PARD3: variants seen among roughly 807,000 people sequenced by gnomAD.
PARD3 encodes partitioning defective 3 homolog.
A neutral mutation model predicts 155.4 loss-of-function variants in PARD3; 75 were observed. The observed-to-expected ratio is 0.48, with a 90% CI of 0.40 to 0.58. The LOEUF is 0.58. PARD3 is among the 20% of genes least tolerant of loss of function. PARD3 has a pLI of 0.00. For synonymous variants in PARD3, 576 were observed against 610.5 expected, an observed-to-expected ratio of 0.94 and a Z score of 0.83; for missense variants, 1,642 against 1,721.7, an observed-to-expected ratio of 0.95 and a Z score of 0.82.
At chr10:34,724,303 G>A (rs963797883) in intron 1 of PARD3, among the ~76,000 whole-genome samples, 1 of 151,984 alleles carries the variant, frequency 6.6e-6, no homozygotes, top group Non-Finnish European at 1.5e-5. Context: ...AAATAGCCTT[G>A]CAAGTCATGC....
chr10:34,708,222 G>T (rs1378634231), intron 1 of PARD3, among the ~76,000 whole-genome samples: 16 of 145,712 alleles, frequency 1.1e-4, no homozygotes, highest in African/African-American at 4.0e-4. Context: ...GTTTTTCTTT[G>T]TTTTTTGTCT....
chr10:34,204,124 A>G (rs1951350194), intron 22 of PARD3, among the ~76,000 whole-genome samples: 1 of 152,200 alleles, frequency 6.6e-6, no homozygotes, highest in South Asian at 2.1e-4. Context: ...GTACATCAAC[A>G]TTTACTGATA....
chr10:34,384,162 T>C lies in PARD3; in HGVS notation c.983A>G (p.Asn328Ser). ...TCTTCTATTTCGAAGGTCGCCATCA[T>C]TAATCCTGACAATGCAATCATTCTC... ...FRENDCIVRI[N>S]DGDLRNRRFE... Residue 328 changes from asparagine (N) to serine (S), a missense_variant, in exon 8 of 25, where the codon AAT (asparagine) becomes AGT (serine). Around this residue, in one of 3 missense-constraint regions of PARD3, gnomAD observed 1,529 missense variants for 1,587.3 expected, o/e 0.96. Coordinates refer to ENST00000374788, the MANE Select transcript of PARD3 (RefSeq NM_001184785.2). The C allele has an allele frequency of 6.2e-7, 1 of 1,613,908 alleles. No homozygotes were observed. Among genetic ancestry groups the C allele is most frequent in the Non-Finnish European group, 8.5e-7 (1 of 1,179,932 alleles).
chr10:34,507,540 T>TAAAAAAAAAAAAAA (rs1554880641), intron 3 of PARD3, among the ~76,000 whole-genome samples: 1 of 43,304 alleles, frequency 2.3e-5, no homozygotes, highest in African/African-American at 2.1e-4. Flanking sequence ...TCAGATCAAT[T>TAAAAAAAAAAAAAA]AAAAAAACAA....
intron 2 of PARD3, among the ~76,000 whole-genome samples, chr10:34,538,052 T>G (rs1474596548): frequency 6.6e-6 from 1 of 152,158 alleles, no homozygotes; most frequent in African/African-American, 2.4e-5. Flanking sequence ...GTGTAATAAA[T>G]GAACAAAACA....
rs1322965797 is a variant in PARD3, at chr10:34,268,240, C to T, written c.3419+1417G>A. ...AAAACCATAATGAGATACCATCTCA[C>T]ACCAGTTAGAATGGTGATCATTAAA... On this transcript the variant is annotated intron_variant, in intron 22 of 24. Coordinates refer to ENST00000374788, the MANE Select transcript of PARD3 (RefSeq NM_001184785.2). Among the ~76,000 whole-genome samples the T allele has an allele frequency of 5.3e-5, 8 of 152,172 alleles. No homozygotes were observed. The East Asian group carries it at 1.5e-3, about 29-fold the overall frequency.
intron 21 of PARD3, among the ~76,000 whole-genome samples, chr10:34,270,895 T>C (rs1054943150): frequency 6.6e-6 from 1 of 152,214 alleles, no homozygotes; most frequent in South Asian, 2.1e-4. Flanking sequence ...TAGTTTACTA[T>C]GATTTTATTA....
chr10:34,706,379 G>A (rs963967095), intron 1 of PARD3, among the ~76,000 whole-genome samples: 3 of 152,124 alleles, frequency 2.0e-5, no homozygotes, highest in Non-Finnish European at 4.4e-5. Context: ...AAGCGTCAGG[G>A]TTGCTTGTCT....
intron 2 of PARD3, among the ~76,000 whole-genome samples, chr10:34,644,356 C>A (rs2092770620): frequency 6.6e-6 from 1 of 152,216 alleles, no homozygotes; most frequent in Non-Finnish European, 1.5e-5. Flanking sequence ...CTGCTTCATA[C>A]AAGCAGCAGC....
intron 1 of PARD3, among the ~76,000 whole-genome samples, chr10:34,813,848 A>G (rs1003246597): frequency 5.9e-5 from 9 of 152,180 alleles, no homozygotes; most frequent in African/African-American, 2.2e-4. Context: ...GCTCCCCACC[A>G]AAGAGGACTC....
In PARD3 at chr10:34,129,687, TAATGTCAAGCC is replaced by T. The variant is rs1564416232; in HGVS notation, c.3540+1765_3540+1775del. Among the ~76,000 whole-genome samples, 5 of 86,182 alleles carry T rather than the reference TAATGTCAAGCC, an allele frequency of 5.8e-5. 1 individual carries two copies. The highest frequency in any genetic ancestry group is 1.1e-4 in the Admixed American group (1 of 9,348). The allele number at this position is 86,182 out of a possible 152,430, so 56.5% of individuals were successfully genotyped here. On this transcript the variant is annotated intron_variant, in intron 23 of 24. Transcript: ENST00000374788. The stretch of plus-strand genomic sequence containing the variant: ...CAAATCAAATGTTCCTTTTTTTTTG[TAATGTCAAGCC>T]TCTTTTTTTTTTTTTTTTTTGAGCC...
chr10:34,745,786 G>A (rs1835231788), intron 1 of PARD3, among the ~76,000 whole-genome samples: 1 of 152,022 alleles, frequency 6.6e-6, no homozygotes, highest in Non-Finnish European at 1.5e-5. Flanking sequence ...TAAAGGAAAT[G>A]GCACAGTAAT....
At chr10:34,135,273 A>G (rs1854364) in intron 22 of PARD3, among the ~76,000 whole-genome samples, 74,877 of 152,082 alleles carry the variant, frequency 0.49, 19,772 homozygotes, top group Non-Finnish European at 0.6. Flanking sequence ...CTCAGCCTCC[A>G]CCAACACATT....
chr10:34,331,669 C>T (rs1306404349), intron 18 of PARD3, among the ~76,000 whole-genome samples: 1 of 152,026 alleles, frequency 6.6e-6, no homozygotes, highest in Non-Finnish European at 1.5e-5. Context: ...CCAGAATAAC[C>T]TGGAAGCTCA....
At chr10:34,651,074 G>C (rs2093002052) in intron 2 of PARD3, among the ~76,000 whole-genome samples, 1 of 141,424 alleles carries the variant, frequency 7.1e-6, no homozygotes, top group Admixed American at 7.3e-5. Context: ...TCACACTTTG[G>C]ATGCACTTCA....
intron 20 of PARD3, among the ~76,000 whole-genome samples, chr10:34,297,837 C>A (rs778274985): frequency 2.0e-5 from 3 of 152,228 alleles, no homozygotes; most frequent in Non-Finnish European, 2.9e-5. Flanking sequence ...TTTCTCCTTA[C>A]TAGTAAAACC....
At chr10:34,647,371 T>C (rs1276740424) in intron 2 of PARD3, among the ~76,000 whole-genome samples, 1 of 152,174 alleles carries the variant, frequency 6.6e-6, no homozygotes, top group African/African-American at 2.4e-5. Context: ...ACAGGGAAGG[T>C]CACTTCAAAG....
chr10:34,227,881 TATAC>T (rs1952701496), intron 22 of PARD3, among the ~76,000 whole-genome samples: 4 of 133,738 alleles, frequency 3.0e-5, no homozygotes, highest in African/African-American at 5.8e-5. Flanking sequence ...TATATATATA[TATAC>T]TGGGAATATA....
At chr10:34,667,754 C>G (rs1171495670) in intron 2 of PARD3, among the ~76,000 whole-genome samples, 1 of 152,172 alleles carries the variant, frequency 6.6e-6, no homozygotes, top group Non-Finnish European at 1.5e-5. Context: ...GCAAATTAAG[C>G]AGAATATAAA....
Sources: allele counts gnomAD v4.1 joint callset (sites outside exome capture counted in the v4.1 genomes callset), GRCh38; gene constraint gnomAD v4.1.1; regional missense constraint gnomAD v4.1.1; transcripts MANE v1.5; gene names NCBI Gene and HGNC (gene_info 2026-07-23, HGNC 2026-07-21).